AP1G1: variants seen among roughly 807,000 people sequenced by gnomAD.
AP1G1 encodes the protein adaptor related protein complex 1 subunit gamma 1.
AP1G1 carries 7 observed loss-of-function variants against 108.3 expected under a neutral mutation model. That is an observed-to-expected ratio of 0.06 (90% CI 0.04 to 0.12). AP1G1 has a LOEUF of 0.12. AP1G1 is among the 10% of genes least tolerant of loss of function. The pLI is 1.00. For missense variants in AP1G1, 756 were observed against 1,010.7 expected, an observed-to-expected ratio of 0.75 and a Z score of 3.42; for synonymous variants, 379 against 353.5, an observed-to-expected ratio of 1.07 and a Z score of -0.81.
intron 15 of AP1G1, among the ~76,000 whole-genome samples, chr16:71,749,559 C>T (rs1410364325): frequency 2.6e-5 from 4 of 151,380 alleles, no homozygotes; most frequent in Non-Finnish European, 5.9e-5. Flanking sequence ...CAATATAATT[C>T]GCGTTTGCTT....
At chr16:71,744,757 G>A (rs2030083292) in intron 19 of AP1G1, among the ~76,000 whole-genome samples, 1 of 151,966 alleles carries the variant, frequency 6.6e-6, no homozygotes, top group African/African-American at 2.4e-5. Flanking sequence ...TGTATTTTTA[G>A]TAGAGATGGC....
intron 1 of AP1G1, among the ~76,000 whole-genome samples, chr16:71,798,193 C>T (rs955255460): frequency 6.7e-6 from 1 of 149,872 alleles, no homozygotes; most frequent in Non-Finnish European, 1.5e-5. Context: ...CGCCAGTAAT[C>T]CCAACACTTT....
intron 2 of AP1G1, among the ~76,000 whole-genome samples, chr16:71,775,380 T>C (rs1424290553): frequency 6.6e-6 from 1 of 152,118 alleles, no homozygotes; most frequent in Non-Finnish European, 1.5e-5. Context: ...CCTTTGGATA[T>C]CTTAATAGAA....
chr16:71,755,165 C>G (rs1320121760), intron 12 of AP1G1, among the ~76,000 whole-genome samples: 1 of 152,160 alleles, frequency 6.6e-6, no homozygotes, highest in Non-Finnish European at 1.5e-5. Flanking sequence ...GTGGCTGATG[C>G]CTGTAATCCT....
chr16:71,762,473 T>G (rs913636092), intron 9 of AP1G1, among the ~76,000 whole-genome samples: 4 of 152,134 alleles, frequency 2.6e-5, no homozygotes, highest in African/African-American at 9.7e-5. Context: ...ACCATGATAT[T>G]AGACGATTGG....
chr16:71,806,202 G>A (rs1439441781), intron 1 of AP1G1, among the ~76,000 whole-genome samples: 1 of 151,992 alleles, frequency 6.6e-6, no homozygotes, highest in Non-Finnish European at 1.5e-5. Flanking sequence ...CTCAAATCTA[G>A]AACTGCTATC....
chr16:71,764,750 G>A (rs373371010), intron 7 of AP1G1, 24 bp from the exon 8 acceptor site: 13 of 1,484,460 alleles, frequency 8.8e-6, no homozygotes, highest in African/African-American at 1.4e-5. Flanking sequence ...GATGAGAGGT[G>A]TCAACAAATT....
chr16:71,775,019 CTTTT>C (rs748508767), intron 2 of AP1G1, among the ~76,000 whole-genome samples: 34 of 69,730 alleles, frequency 4.9e-4, no homozygotes, highest in African/African-American at 1.2e-3. Context: ...CCGCGCCTGG[CTTTT>C]TTTTTTTTTT....
At chr16:71,796,112 G>A (rs770443449) in intron 1 of AP1G1, among the ~76,000 whole-genome samples, 8 of 152,124 alleles carry the variant, frequency 5.3e-5, no homozygotes, top group Non-Finnish European at 8.8e-5. Flanking sequence ...TGGCGCATGC[G>A]TCTGTAGTCC....
intron 2 of AP1G1, among the ~76,000 whole-genome samples, chr16:71,787,690 G>A (rs1239635298): frequency 2.0e-5 from 3 of 152,080 alleles, no homozygotes; most frequent in African/African-American, 4.8e-5. Flanking sequence ...ACAAGAACAC[G>A]TAGGCATCTA....
At chr16:71,773,122 C>T in intron 4 of AP1G1, 99 bp downstream of exon 4, 2 of 1,329,710 alleles carry the variant, frequency 1.5e-6, no homozygotes, top group Non-Finnish European at 2.1e-6. Flanking sequence ...GAAAAAATGA[C>T]TTTACATTAT....
rs141835424 is a variant in AP1G1, at chr16:71,806,780, G to A, written c.-4+1983C>T. The A allele has an allele frequency of 2.4e-4, 262 of 1,088,408 alleles. 4 individuals carry two copies. The Admixed American group carries it at 7.0e-3, about 29-fold the overall frequency. The allele number at this position is 1,088,408 out of a possible 1,614,324, so 67.4% of individuals were successfully genotyped here. A position where few individuals can be genotyped will look rare whatever the true frequency, so the allele number is the denominator to read the frequency against. ...TGCTTCAGGGTAATACAGAACTCACGTATCTAATAGTAACTAATATATTTT... is the reference window on the plus strand; with the variant it reads ...TGCTTCAGGGTAATACAGAACTCACATATCTAATAGTAACTAATATATTTT... On this transcript the variant is annotated intron_variant, in intron 1 of 22. Coordinates refer to ENST00000299980, the MANE Select transcript of AP1G1 (RefSeq NM_001128.6).
chr16:71,755,945 C>A, intron 12 of AP1G1, 74 bp downstream of exon 12: 1 of 1,522,312 alleles, frequency 6.6e-7, no homozygotes, highest in South Asian at 1.3e-5. Context: ...CGCCCAGCCC[C>A]CTCCCCATGT....
intron 1 of AP1G1, chr16:71,806,568 T>C (rs1216492378): frequency 3.6e-6 from 2 of 557,138 alleles, no homozygotes; most frequent in Non-Finnish European, 5.5e-6. Context: ...ACCAATATAT[T>C]AAAGCATGAA....
At chr16:71,747,072 A>G (rs1191607716) in intron 16 of AP1G1, 1 of 154,118 alleles carries the variant, frequency 6.5e-6, no homozygotes, top group Non-Finnish European at 1.4e-5. Flanking sequence ...ATAATTTTTA[A>G]TCTATAAAAG....
chr16:71,766,537 T>A (rs2031323378), intron 6 of AP1G1: 1 of 405,018 alleles, frequency 2.5e-6, no homozygotes, highest in South Asian at 1.8e-5. Flanking sequence ...TTTAGCTATA[T>A]AAACAACTCT....
At chr16:71,778,452 G>A (rs2031873062) in intron 2 of AP1G1, among the ~76,000 whole-genome samples, 1 of 152,150 alleles carries the variant, frequency 6.6e-6, no homozygotes, top group Non-Finnish European at 1.5e-5. Context: ...GGAGGCCGAG[G>A]TGGGTGGACT....
intron 12 of AP1G1, among the ~76,000 whole-genome samples, chr16:71,754,603 C>T (rs1284995535): frequency 6.6e-6 from 1 of 152,072 alleles, no homozygotes; most frequent in Non-Finnish European, 1.5e-5. Flanking sequence ...TCCACACAAA[C>T]CTGGGTAACA....
intron 1 of AP1G1, among the ~76,000 whole-genome samples, chr16:71,795,115 TACC>T (rs2032540484): frequency 6.6e-6 from 1 of 152,040 alleles, no homozygotes; most frequent in South Asian, 2.1e-4. Context: ...TTCTCTCTTC[TACC>T]CTGCCCAGAT....
Sources: allele counts gnomAD v4.1 joint callset (sites outside exome capture counted in the v4.1 genomes callset), GRCh38; gene constraint gnomAD v4.1.1; transcripts MANE v1.5; gene names NCBI Gene and HGNC (gene_info 2026-07-23, HGNC 2026-07-21).